Variants in TOP1MT observed in about 807,000 individuals in gnomAD.
TOP1MT encodes DNA topoisomerase I mitochondrial, also known as DNA topoisomerase I, mitochondrial.
A neutral mutation model predicts 73.9 loss-of-function variants in TOP1MT; 80 were observed. The ratio of observed to expected loss-of-function variants is 1.08; its 90% CI spans 0.90 to 1.30. The LOEUF (loss-of-function observed/expected upper bound fraction) is 1.30, where lower values mean the gene tolerates loss of function less well. Ranked by LOEUF, TOP1MT falls within the 50% of genes most tolerant of loss-of-function variation. The pLI, the probability that TOP1MT is intolerant of heterozygous loss-of-function variation, is 0.00. For missense variants in TOP1MT, 815 were observed against 808.0 expected, an observed-to-expected ratio of 1.01 and a Z score of -0.10; for synonymous variants, 338 against 326.4, an observed-to-expected ratio of 1.04 and a Z score of -0.38.
intron 2 of TOP1MT, among the ~76,000 whole-genome samples, chr8:143,342,545 AT>A (rs1468716036): frequency 1.5e-5 from 2 of 133,680 alleles, no homozygotes; most frequent in Non-Finnish European, 3.2e-5. Context: ...CTCTGTTATT[AT>A]TATTATTATT....
chr8:143,317,877 G>C (rs201321445), intron 9 of TOP1MT, 40 bp from the exon 10 acceptor site: 16 of 1,606,728 alleles, frequency 1.0e-5, no homozygotes, highest in African/African-American at 1.3e-5. Context: ...GTGGTTTTGC[G>C]GGGCCGTCCC....
chr8:143,326,175 G>A lies in TOP1MT; in HGVS notation c.483+47C>T, dbSNP rs369240729. 7.0e-5 allele frequency: 113 copies of A among 1,605,284 alleles called. 1 individual carries two copies. The South Asian group carries it at 8.4e-4, about 12-fold the overall frequency. On this transcript the variant is annotated intron_variant, in intron 4 of 13. Transcript: ENST00000329245. ...AGTCTTTGGGCCAGGCCGGCCTCTCGTTCCCAGGGGCCACTTCAGGTCACA... is the reference window on the plus strand; with the variant it reads ...AGTCTTTGGGCCAGGCCGGCCTCTCATTCCCAGGGGCCACTTCAGGTCACA...
At chr8:143,335,520 C>T (rs1023527016), upstream of TOP1MT, among the ~76,000 whole-genome samples, 2 of 152,232 alleles carry the variant, frequency 1.3e-5, no homozygotes, top group African/African-American at 4.8e-5. Flanking sequence ...GCTCAGTCCC[C>T]AGCGTGACTG....
upstream of TOP1MT, among the ~76,000 whole-genome samples, chr8:143,339,131 G>A (rs901176944): frequency 1.1e-4 from 17 of 152,276 alleles, no homozygotes; most frequent in Non-Finnish European, 1.5e-4. Context: ...GGGAGGCGGC[G>A]CCGCCCAGCA....
chr8:143,334,236 C>T (rs1816931384), intron 1 of TOP1MT: 1 of 152,770 alleles, frequency 6.5e-6, no homozygotes, highest in African/African-American at 2.4e-5. Flanking sequence ...CAGGAAAGCG[C>T]CTGGGACCAC....
At chr8:143,321,723 C>CCA (rs1361759293) in intron 7 of TOP1MT, among the ~76,000 whole-genome samples, 3 of 135,956 alleles carry the variant, frequency 2.2e-5, no homozygotes, top group Non-Finnish European at 3.1e-5. Flanking sequence ...CACACGCACG[C>CCA]CACACACAGG....
intron 1 of TOP1MT, among the ~76,000 whole-genome samples, chr8:143,352,098 C>T (rs554264167): frequency 6.6e-6 from 1 of 152,186 alleles, no homozygotes; most frequent in South Asian, 2.1e-4. Context: ...ATATAAAAGA[C>T]AACAATACTC....
At chr8:143,327,205 A>C (rs1325924716) in intron 3 of TOP1MT, 1 of 152,302 alleles carries the variant, frequency 6.6e-6, no homozygotes, top group African/African-American at 2.4e-5. Flanking sequence ...AAGCGGGATA[A>C]AATGCTAAGT....
intron 1 of TOP1MT, among the ~76,000 whole-genome samples, chr8:143,332,056 T>C (rs557907061): frequency 6.9e-6 from 1 of 144,956 alleles, no homozygotes; most frequent in Admixed American, 6.9e-5. Flanking sequence ...GCTCTGGAGA[T>C]TGGGGGGGTG....
chr8:143,314,837 T>C (rs1234195247), intron 12 of TOP1MT, among the ~76,000 whole-genome samples: 1 of 152,164 alleles, frequency 6.6e-6, no homozygotes, highest in African/African-American at 2.4e-5. Flanking sequence ...CAATTACTCT[T>C]TTTTCCAATA....
At chr8:143,320,160 A>G (rs1486786140) in intron 8 of TOP1MT, among the ~76,000 whole-genome samples, 4 of 150,820 alleles carry the variant, frequency 2.7e-5, no homozygotes, top group African/African-American at 9.7e-5. Flanking sequence ...ACAGGGTCTC[A>G]TTTTGTCACC....
In TOP1MT at chr8:143,325,482, A is replaced by C. The variant is rs751106254; in HGVS notation, c.535T>G (p.Leu179Val). The change falls in exon 5 of 14, where the codon TTA (leucine) becomes GTA (valine). Residue 179 changes from leucine to valine, a missense_variant. By Grantham distance (32) the Leu-to-Val change is conservative. This residue lies in a region of TOP1MT where 751 missense variants were observed against 725.4 expected (regional missense o/e 1.04). Transcript: ENST00000329245. ...CCTATTTTTTCTTGGTGACCATCTAAAATACAGTAGCCGAACTCTTGCTGA... is the reference window on the plus strand; with the variant it reads ...CCTATTTTTTCTTGGTGACCATCTACAATACAGTAGCCGAACTCTTGCTGA... ...KLQQEFGYCI[L>V]DGHQEKIGNF... 2 of 1,613,042 alleles carry C rather than the reference A, an allele frequency of 1.2e-6. No individual in the cohort carries two copies.
upstream of TOP1MT, among the ~76,000 whole-genome samples, chr8:143,356,272 G>A (rs1227240277): frequency 1.3e-5 from 2 of 152,190 alleles, no homozygotes; most frequent in African/African-American, 4.8e-5. Context: ...AGGATTCCAG[G>A]TAACCAGTAA....
At chr8:143,312,813 G>A (rs946374560) in intron 12 of TOP1MT, among the ~76,000 whole-genome samples, 1 of 152,232 alleles carries the variant, frequency 6.6e-6, no homozygotes, top group African/African-American at 2.4e-5. Context: ...CTAAGGGCCA[G>A]GCATGTTGGC....
rs199605994 is a variant in TOP1MT, at chr8:143,325,401, T to C, written c.616A>G (p.Met206Val). 1.3e-4 allele frequency: 203 copies of C among 1,612,066 alleles called. No individual in the cohort carries two copies. The highest frequency in any genetic ancestry group is 1.7e-4 in the Non-Finnish European group (196 of 1,178,604). The change falls in exon 5 of 14, where the codon ATG (methionine) becomes GTG (valine). Residue 206 changes from methionine to valine, a missense_variant. By Grantham distance (21) the Met-to-Val change is conservative. Coordinates refer to ENST00000329245, the MANE Select transcript of TOP1MT (RefSeq NM_052963.3). ...GTGATCCTTCTCTTCAGCATCCCCA[T>C]CTTGGGATGGTCGCCACGGCCACGG... Reference protein sequence around the residue: ...LFRGRGDHPKMGMLKRRITPE... With the variant: ...LFRGRGDHPKVGMLKRRITPE...
rs374034874 is a variant in TOP1MT at position 143,332,721 on chromosome 8, G to C, written c.123-1382C>G. 191 of 484,090 alleles carry C rather than the reference G, an allele frequency of 3.9e-4. 1 individual carries two copies. Among genetic ancestry groups the C allele is most frequent in the African/African-American group, 3.0e-3 (151 of 49,840 alleles). The allele number at this position is 484,090 out of a possible 1,614,324, so 30.0% of individuals were successfully genotyped here. A position where few individuals can be genotyped will look rare whatever the true frequency, so the allele number is the denominator to read the frequency against. On this transcript the variant is annotated intron_variant, in intron 1 of 13. Coordinates refer to ENST00000329245, the MANE Select transcript of TOP1MT (RefSeq NM_052963.3). ...GACGGAGCTGATAAAGTAGGGAGAA[G>C]TTAACGGGCTCAAGAACCTTCCAGG...
chr8:143,321,264 C>T lies in TOP1MT; in HGVS notation c.1083G>A (p.Val361=). 6.2e-7 allele frequency: 1 copy of T among 1,612,542 alleles called. No homozygotes were observed. The highest frequency in any genetic ancestry group is 8.5e-7 in the Non-Finnish European group (1 of 1,179,178). The change falls in exon 8 of 14, where the codon GTG becomes GTA. Residue 361 remains valine, a synonymous_variant. Coordinates refer to ENST00000329245, the MANE Select transcript of TOP1MT (RefSeq NM_052963.3). ...AGTCCTTCCCCAGGAAGTCAAATTC[C>T]ACCACGTGTTGGCAGCCATCGGCCT... ...HPEADGCQHV[V]EFDFLGKDCI...
At chr8:143,323,200 ACACAGGCACG>A (rs1198872096) in intron 7 of TOP1MT, among the ~76,000 whole-genome samples, 1 of 121,242 alleles carries the variant, frequency 8.2e-6, no homozygotes, top group East Asian at 2.7e-4. Flanking sequence ...CGCATGCCAC[ACACAGGCACG>A]CCACACAGGC....
rs531295408 is a variant in TOP1MT, at chr8:143,320,572, G to A, written c.1146+629C>T. Among the ~76,000 whole-genome samples, 10 of 152,354 alleles carry A rather than the reference G, an allele frequency of 6.6e-5. No individual in the cohort carries two copies. The South Asian group carries it at 1.7e-3, about 25-fold the overall frequency. On this transcript the variant is annotated intron_variant, in intron 8 of 13. Transcript: ENST00000329245. ...GTGCACCACCATGCCTGGCCAGAAC[G>A]TGACCTTATTTAAAAACAGGGTCTT...
Sources: gnomAD v4.1 joint callset for allele counts (sites outside exome capture counted in the v4.1 genomes callset) on GRCh38, gnomAD v4.1.1 for gene constraint, gnomAD v4.1.1 regional missense constraint, MANE v1.5 for transcripts, NCBI Gene and HGNC (gene_info 2026-07-23, HGNC 2026-07-21) for gene names.